COP1: variants seen among roughly 807,000 people sequenced by gnomAD.
COP1 encodes the protein COP1 E3 ubiquitin ligase, also known as E3 ubiquitin-protein ligase COP1.
In COP1, 24 loss-of-function variants were observed where a neutral mutation model predicts 101.3. The observed-to-expected ratio is 0.24, with a 90% confidence interval of 0.17 to 0.33. COP1 has a LOEUF of 0.33. Ranked by LOEUF, COP1 falls within the 10% of genes least tolerant of loss-of-function variation. The probability of loss-of-function intolerance (pLI) is 1.00; values close to 1 mark genes in which losing one functional copy is unlikely to be tolerated. For missense variants in COP1, 663 were observed against 906.2 expected (o/e 0.73, Z 3.45); for synonymous variants, 347 against 341.9 (o/e 1.01, Z -0.17).
intron 9 of COP1, among the ~76,000 whole-genome samples, chr1:176,102,746 CTT>C (rs1683629094): frequency 6.6e-6 from 1 of 152,202 alleles, no homozygotes; most frequent in African/African-American, 2.4e-5. Flanking sequence ...TCTGACCCTC[CTT>C]AAACTGTTCC....
chr1:176,191,086 T>C (rs928684278), intron 1 of COP1, among the ~76,000 whole-genome samples: 4 of 152,050 alleles, frequency 2.6e-5, no homozygotes, highest in Admixed American at 1.3e-4. Flanking sequence ...CTTTGTGATT[T>C]TATAATTTAT....
At chr1:176,030,361 C>T (rs552675324) in intron 14 of COP1, among the ~76,000 whole-genome samples, 1 of 152,020 alleles carries the variant, frequency 6.6e-6, no homozygotes, top group South Asian at 2.1e-4. Flanking sequence ...ACAGCCTAGG[C>T]CCAAAGGTAA....
chr1:176,163,702 C>T (rs1266855880), intron 4 of COP1, 113 bp downstream of exon 4: 8 of 631,288 alleles, frequency 1.3e-5, no homozygotes, highest in Admixed American at 3.2e-5. Context: ...CCTAAACAAT[C>T]GCCTTTTAAG....
intron 9 of COP1, among the ~76,000 whole-genome samples, chr1:176,102,579 C>G (rs1311171405): frequency 6.6e-6 from 1 of 152,190 alleles, no homozygotes; most frequent in East Asian, 1.9e-4. Flanking sequence ...TTGAGAAGAA[C>G]TTACTTTACA....
intron 2 of COP1, among the ~76,000 whole-genome samples, chr1:176,177,265 G>A (rs1215843424): frequency 1.3e-5 from 2 of 149,454 alleles, no homozygotes; most frequent in Admixed American, 1.3e-4. Flanking sequence ...TTACATTTGT[G>A]TGCCTCCCTA....
In COP1 at chr1:175,989,446, G is replaced by C. The variant is rs940317522; in HGVS notation, c.1763C>G (p.Thr588Ser). 1 of 1,604,430 alleles carries C rather than the reference G, an allele frequency of 6.2e-7. No individual in the cohort carries two copies. The highest frequency in any genetic ancestry group is 1.3e-5 in the African/African-American group (1 of 74,728). ...HCVHYYDLRNTKQPIMVFKGH... is the reference protein window; with the variant it reads ...HCVHYYDLRNSKQPIMVFKGH... ...TTTGAATACCATGATTGGCTGTTTA[G>C]TGTTACGAAGATCATAGTAGTGGAC... The change falls in exon 16 of 20, where the codon ACT becomes AGT. Residue 588 changes from threonine to serine, a missense_variant. Thr to Ser is a moderately conservative substitution (Grantham distance 58, BLOSUM62 1). Coordinates refer to ENST00000367669, the MANE Select transcript of COP1 (RefSeq NM_022457.7).
intron 18 of COP1, among the ~76,000 whole-genome samples, chr1:175,966,867 CAA>C (rs1275624650): frequency 6.6e-6 from 1 of 152,084 alleles, no homozygotes; most frequent in Non-Finnish European, 1.5e-5. Context: ...AAGAGTGTTC[CAA>C]AGTCAACATA....
At chr1:175,985,403 C>A (rs1229087445) in intron 18 of COP1, among the ~76,000 whole-genome samples, 1 of 152,138 alleles carries the variant, frequency 6.6e-6, no homozygotes, top group Non-Finnish European at 1.5e-5. Flanking sequence ...AAGTTTGCAT[C>A]CTGTGGATAT....
At chr1:176,049,805 C>CT (rs1205798259) in intron 11 of COP1, among the ~76,000 whole-genome samples, 3 of 152,156 alleles carry the variant, frequency 2.0e-5, no homozygotes, top group East Asian at 3.9e-4. Flanking sequence ...AACAGATGAC[C>CT]TCTTATATTA....
intron 15 of COP1, among the ~76,000 whole-genome samples, chr1:175,992,919 G>C (rs1460088729): frequency 6.6e-6 from 1 of 152,216 alleles, no homozygotes; most frequent in Non-Finnish European, 1.5e-5. Context: ...CTGGAGATCT[G>C]AGAACGGGCA....
chr1:176,190,412 T>A (rs920921936), intron 1 of COP1, among the ~76,000 whole-genome samples: 1 of 152,012 alleles, frequency 6.6e-6, no homozygotes, highest in African/African-American at 2.4e-5. Flanking sequence ...AAAATCGTGT[T>A]CTTCAAGCAA....
chr1:176,174,787 C>T (rs2101910023), intron 3 of COP1, among the ~76,000 whole-genome samples: 1 of 152,272 alleles, frequency 6.6e-6, no homozygotes, highest in African/African-American at 2.4e-5. Flanking sequence ...CTTTAAAATG[C>T]AGAATTGACC....
In COP1 at chr1:176,207,239, G is replaced by C. The variant is rs1249694910; in HGVS notation, c.-261C>G. The C allele has an allele frequency of 2.5e-6, 1 of 398,214 alleles. No homozygotes were observed. Among genetic ancestry groups the C allele is most frequent in the Non-Finnish European group, 4.4e-6 (1 of 226,074 alleles). 24.7% of individuals were successfully genotyped at this position (398,214 alleles called of 1,614,324 possible). On this transcript the variant is annotated 5_prime_UTR_variant, in exon 1 of 20. Transcript: ENST00000367669. Reference sequence around the variant, plus strand: ...CGCCGCCGCCACCGCGGTCCCTGTAGCAGCCAACCCCGGCGCGCCGTGGCC... The same window carrying C: ...CGCCGCCGCCACCGCGGTCCCTGTACCAGCCAACCCCGGCGCGCCGTGGCC...
chr1:176,024,895 C>T (rs1467973366), intron 15 of COP1, among the ~76,000 whole-genome samples: 3 of 152,002 alleles, frequency 2.0e-5, no homozygotes. Context: ...GACTTCTACA[C>T]TGAAAATTAC....
intron 15 of COP1, among the ~76,000 whole-genome samples, chr1:176,000,223 T>C (rs548775957): frequency 6.6e-6 from 1 of 152,188 alleles, no homozygotes; most frequent in East Asian, 1.9e-4. Context: ...CTTGTAGTAG[T>C]TTTGTAGTTT....
intron 8 of COP1, among the ~76,000 whole-genome samples, chr1:176,133,202 G>T (rs555024085): frequency 6.7e-6 from 1 of 149,946 alleles, no homozygotes; most frequent in Admixed American, 6.7e-5. Context: ...GTATATGTAC[G>T]TATGTACACA....
At chr1:176,090,407 G>A (rs1681054816) in intron 9 of COP1, among the ~76,000 whole-genome samples, 1 of 152,000 alleles carries the variant, frequency 6.6e-6, no homozygotes, top group Admixed American at 6.6e-5. Context: ...CTTTAAAAAA[G>A]TTTATTTGTC....
intron 8 of COP1, among the ~76,000 whole-genome samples, chr1:176,126,048 T>C (rs1479291006): frequency 6.6e-6 from 1 of 152,226 alleles, no homozygotes; most frequent in African/African-American, 2.4e-5. Flanking sequence ...ATGCTACTGA[T>C]TTTTTGTATG....
intron 14 of COP1, among the ~76,000 whole-genome samples, chr1:176,035,704 C>A (rs1362146321): frequency 7.7e-5 from 5 of 64,554 alleles, no homozygotes; most frequent in East Asian, 4.3e-4. Flanking sequence ...ATCAATAAAA[C>A]GAGACCAAAA....
Sources: gnomAD v4.1 joint callset for allele counts (sites outside exome capture counted in the v4.1 genomes callset) on GRCh38, gnomAD v4.1.1 for gene constraint, MANE v1.5 for transcripts, NCBI Gene and HGNC (gene_info 2026-07-23, HGNC 2026-07-21) for gene names.